WDR7: variants seen among roughly 807,000 people sequenced by gnomAD.
The protein encoded by WDR7 is WD repeat domain 7, also known as WD repeat-containing protein 7.
WDR7 carries 46 observed loss-of-function variants against 169.4 expected under a neutral mutation model. The ratio of observed to expected loss-of-function variants is 0.27; its 90% CI spans 0.21 to 0.35. The LOEUF (loss-of-function observed/expected upper bound fraction) is 0.35, where lower values mean the gene tolerates loss of function less well. WDR7 is among the 10% of genes least tolerant of loss of function. The probability of loss-of-function intolerance (pLI) is 1.00; values close to 1 mark genes in which losing one functional copy is unlikely to be tolerated. For missense variants in WDR7, 1,534 were observed against 1,859.3 expected, an observed-to-expected ratio of 0.83 and a Z score of 3.22; for synonymous variants, 612 against 666.8, an observed-to-expected ratio of 0.92 and a Z score of 1.27.
At chr18:56,781,156 C>T (rs1311498091) in intron 18 of WDR7, among the ~76,000 whole-genome samples, 1 of 152,018 alleles carries the variant, frequency 6.6e-6, no homozygotes, top group African/African-American at 2.4e-5. Flanking sequence ...CAATAGCTCT[C>T]ACAGTGGCTT....
At chr18:56,668,452 G>A (rs1450158674) in intron 1 of WDR7, among the ~76,000 whole-genome samples, 5 of 152,136 alleles carry the variant, frequency 3.3e-5, no homozygotes, top group Admixed American at 6.5e-5. Context: ...GTTTCCATAT[G>A]TCTTGAGACT....
chr18:56,947,027 T>A (rs2047112672), intron 25 of WDR7, among the ~76,000 whole-genome samples: 1 of 152,232 alleles, frequency 6.6e-6, no homozygotes, highest in African/African-American at 2.4e-5. Flanking sequence ...TGTCATCTAC[T>A]AATAATACAA....
chr18:56,833,230 G>T (rs1210991211), intron 20 of WDR7, among the ~76,000 whole-genome samples: 1 of 151,726 alleles, frequency 6.6e-6, no homozygotes, highest in Admixed American at 6.6e-5. Context: ...AGCGGAAGAA[G>T]GCATGTCAGA....
At chr18:56,980,420 G>A (rs1366094295) in intron 26 of WDR7, among the ~76,000 whole-genome samples, 5 of 152,120 alleles carry the variant, frequency 3.3e-5, no homozygotes, top group Non-Finnish European at 7.4e-5. Context: ...GGCTGAGCTC[G>A]TTCATCCACT....
chr18:56,889,967 A>G (rs2046243028), intron 21 of WDR7, among the ~76,000 whole-genome samples: 1 of 152,186 alleles, frequency 6.6e-6, no homozygotes, highest in Non-Finnish European at 1.5e-5. Context: ...TGGCCAAGGT[A>G]CATGATCTAC....
chr18:56,697,381 C>T (rs2025727159), intron 12 of WDR7, among the ~76,000 whole-genome samples: 1 of 152,124 alleles, frequency 6.6e-6, no homozygotes, highest in Admixed American at 6.6e-5. Context: ...CCATGTTCTG[C>T]CAGTGCTAGA....
At chr18:56,761,870 TAATTAA>T (rs1451826801) in intron 16 of WDR7, among the ~76,000 whole-genome samples, 4 of 152,114 alleles carry the variant, frequency 2.6e-5, no homozygotes, top group Non-Finnish European at 5.9e-5. Context: ...ATTCACCTAT[TAATTAA>T]AATAATTTAT....
intron 26 of WDR7, among the ~76,000 whole-genome samples, chr18:57,006,894 C>T (rs1480994294): frequency 1.3e-5 from 2 of 151,900 alleles, no homozygotes; most frequent in African/African-American, 4.8e-5. Flanking sequence ...GCAACCAGTA[C>T]ATATGTGTGT....
chr18:56,785,187 G>C (rs184610849), intron 19 of WDR7, among the ~76,000 whole-genome samples: 276 of 152,210 alleles, frequency 1.8e-3, no homozygotes, highest in African/African-American at 6.3e-3. Flanking sequence ...CTGTCCGAAG[G>C]GATCAAAAGG....
At chr18:56,798,246 T>C (rs916762974) in intron 19 of WDR7, among the ~76,000 whole-genome samples, 2 of 152,166 alleles carry the variant, frequency 1.3e-5, no homozygotes, top group Non-Finnish European at 2.9e-5. Context: ...ATAATAGTGG[T>C]TATGGGGTGG....
At chr18:56,699,777 G>A (rs2025782469) in intron 12 of WDR7, 1 of 971,348 alleles carries the variant, frequency 1.0e-6, no homozygotes, top group East Asian at 1.1e-4. Context: ...TTCATTATTT[G>A]TCTCCTAACT....
At chr18:56,883,040 C>T (rs1015723789) in intron 21 of WDR7, among the ~76,000 whole-genome samples, 1 of 151,932 alleles carries the variant, frequency 6.6e-6, no homozygotes, top group Non-Finnish European at 1.5e-5. Context: ...GAAACCCCAT[C>T]TCTACTAAAA....
At chr18:56,712,789 G>A (rs866474235) in intron 12 of WDR7, among the ~76,000 whole-genome samples, 4 of 152,144 alleles carry the variant, frequency 2.6e-5, no homozygotes, top group South Asian at 2.1e-4. Context: ...TGATAGCAGC[G>A]GTTACTGAAG....
chr18:56,721,263 A>G (rs1216960094), intron 13 of WDR7, among the ~76,000 whole-genome samples: 1 of 151,720 alleles, frequency 6.6e-6, no homozygotes, highest in Non-Finnish European at 1.5e-5. Context: ...AGTGTAAAAC[A>G]CTTGAAGTGT....
chr18:56,951,744 T>C (rs1424557412), intron 25 of WDR7, among the ~76,000 whole-genome samples: 1 of 152,178 alleles, frequency 6.6e-6, no homozygotes, highest in Non-Finnish European at 1.5e-5. Flanking sequence ...CATATATGCA[T>C]ATATACACTA....
At chr18:56,851,401 G>A (rs1292477307) in intron 20 of WDR7, among the ~76,000 whole-genome samples, 5 of 152,138 alleles carry the variant, frequency 3.3e-5, no homozygotes, top group African/African-American at 1.2e-4. Flanking sequence ...CATCTTTTCT[G>A]AAACGATTTT....
chr18:56,653,153 A>G (rs1308529173), intron 1 of WDR7, among the ~76,000 whole-genome samples: 1 of 151,430 alleles, frequency 6.6e-6, no homozygotes, highest in African/African-American at 2.4e-5. Context: ...GATGGAGTTA[A>G]TCTTACTCAA....
intron 14 of WDR7, among the ~76,000 whole-genome samples, chr18:56,751,406 T>C (rs1411892195): frequency 1.3e-5 from 2 of 152,232 alleles, no homozygotes; most frequent in Admixed American, 6.5e-5. Flanking sequence ...TTACCAAGCA[T>C]GTTTGATTTT....
chr18:56,839,454 A>G (rs1360377764), intron 20 of WDR7, among the ~76,000 whole-genome samples: 4 of 152,292 alleles, frequency 2.6e-5, no homozygotes, highest in African/African-American at 9.6e-5. Flanking sequence ...CTCAACTTAT[A>G]TGATTAATAA....
Sources: gnomAD v4.1 joint callset for allele counts (sites outside exome capture counted in the v4.1 genomes callset) on GRCh38, gnomAD v4.1.1 for gene constraint, MANE v1.5 for transcripts, NCBI Gene and HGNC (gene_info 2026-07-23, HGNC 2026-07-21) for gene names.